Variants in CAST observed in about 807,000 individuals in gnomAD.
The protein encoded by CAST is MIR583 host.
Under a neutral mutation model 119.6 loss-of-function variants are expected in CAST, and 76 were observed. The observed-to-expected ratio is 0.64, with a 90% confidence interval of 0.53 to 0.77. The LOEUF (loss-of-function observed/expected upper bound fraction) is 0.77, where lower values mean the gene tolerates loss of function less well. Ranked by LOEUF, CAST falls within the 30% of genes least tolerant of loss-of-function variation. The probability of loss-of-function intolerance (pLI) is 0.00; values close to 1 mark genes in which losing one functional copy is unlikely to be tolerated. For missense variants in CAST, 953 were observed against 946.5 expected, an observed-to-expected ratio of 1.01 and a Z score of -0.09; for synonymous variants, 319 against 331.6, an observed-to-expected ratio of 0.96 and a Z score of 0.41.
At chr5:96,373,242 A>C in the CAST span, among the ~76,000 whole-genome samples, 4 of 152,214 alleles carry the variant, frequency 2.6e-5, no homozygotes, top group African/African-American at 4.8e-5. Context: ...TTAAGGCCTC[A>C]GGATCATTTC....
the CAST span, among the ~76,000 whole-genome samples, chr5:96,083,260 A>C: frequency 6.6e-6 from 1 of 152,222 alleles, no homozygotes; most frequent in South Asian, 2.1e-4. Flanking sequence ...TTGCCATTTG[A>C]AATACCAAAA....
At chr5:96,305,188 A>G in the CAST span, among the ~76,000 whole-genome samples, 3 of 152,040 alleles carry the variant, frequency 2.0e-5, no homozygotes, top group Non-Finnish European at 4.4e-5. Context: ...TTGGATTCCT[A>G]GGTATTTTAT....
chr5:96,050,354 A>C, the CAST span, among the ~76,000 whole-genome samples: 1 of 152,206 alleles, frequency 6.6e-6, no homozygotes, highest in Middle Eastern at 3.4e-3. Flanking sequence ...AGCTAGAGAC[A>C]GAAAGAATTC....
At chr5:96,723,843 C>A (rs1758750122) in intron 4 of CAST, among the ~76,000 whole-genome samples, 1 of 152,152 alleles carries the variant, frequency 6.6e-6, no homozygotes, top group South Asian at 2.1e-4. Context: ...AATTACCAAC[C>A]TACTTTTGTT....
the CAST span, among the ~76,000 whole-genome samples, chr5:96,068,116 C>T: frequency 3.5e-4 from 54 of 152,206 alleles, no homozygotes; most frequent in African/African-American, 1.2e-3. Flanking sequence ...CTGGCCTACG[C>T]TTCATAACTT....
chr5:96,562,074 G>A (rs1217755670), intron 1 of CAST, among the ~76,000 whole-genome samples: 2 of 151,660 alleles, frequency 1.3e-5, no homozygotes, highest in Non-Finnish European at 2.9e-5. Flanking sequence ...TTACAGGCGT[G>A]AGCCACCGCG....
At chr5:96,307,136 G>A in the CAST span, among the ~76,000 whole-genome samples, 6 of 152,182 alleles carry the variant, frequency 3.9e-5, no homozygotes, top group Admixed American at 2.0e-4. Context: ...GGATGCTTCT[G>A]TATTGGTTGC....
At chr5:96,768,903 G>GT (rs1293701848) in intron 29 of CAST, 1 of 154,030 alleles carries the variant, frequency 6.5e-6, no homozygotes, top group Non-Finnish European at 1.4e-5. Flanking sequence ...CTGTGCTTGT[G>GT]TATCACACCA....
the CAST span, among the ~76,000 whole-genome samples, chr5:96,175,315 C>G: frequency 6.6e-6 from 1 of 151,932 alleles, no homozygotes; most frequent in African/African-American, 2.4e-5. Context: ...GTGAAAGTAC[C>G]CTACTGGCCA....
chr5:96,687,252 C>T (rs546987308), intron 2 of CAST, among the ~76,000 whole-genome samples: 26 of 152,194 alleles, frequency 1.7e-4, no homozygotes, highest in African/African-American at 6.3e-4. Flanking sequence ...AGTAGCCTGT[C>T]AGTATTCTTG....
the CAST span, among the ~76,000 whole-genome samples, chr5:96,468,812 T>C: frequency 3.3e-5 from 5 of 152,102 alleles, no homozygotes; most frequent in Non-Finnish European, 4.4e-5. Flanking sequence ...CTTCCCCTTC[T>C]GTCTGACAAC....
the CAST span, among the ~76,000 whole-genome samples, chr5:96,118,708 T>A: frequency 1.6e-4 from 24 of 151,374 alleles, no homozygotes; most frequent in African/African-American, 5.8e-4. Flanking sequence ...AGCCAATCCA[T>A]CTAAAAGAAC....
chr5:96,564,244 A>C (rs1746431577), intron 1 of CAST, among the ~76,000 whole-genome samples: 1 of 152,234 alleles, frequency 6.6e-6, no homozygotes, highest in Admixed American at 6.5e-5. Context: ...TGTAAGGATC[A>C]CAGAGAACTT....
chr5:96,057,365 G>A, the CAST span, among the ~76,000 whole-genome samples: 3 of 152,178 alleles, frequency 2.0e-5, no homozygotes, highest in Non-Finnish European at 4.4e-5. Flanking sequence ...ACTATTTTGA[G>A]TTGAAATCTG....
the CAST span, among the ~76,000 whole-genome samples, chr5:96,155,270 C>A: frequency 4.6e-4 from 70 of 152,118 alleles, no homozygotes; most frequent in Non-Finnish European, 9.8e-4. Context: ...GACTAGTAGG[C>A]AGGGATAATG....
chr5:96,457,908 T>C, the CAST span, among the ~76,000 whole-genome samples: 1 of 152,230 alleles, frequency 6.6e-6, no homozygotes, highest in African/African-American at 2.4e-5. Context: ...GTTTTAAAAC[T>C]TAACTCATTT....
At chr5:95,961,673 G>C in the CAST span, 10 of 1,607,880 alleles carry the variant, frequency 6.2e-6, no homozygotes, top group Non-Finnish European at 8.5e-6. Context: ...CCGCACGACA[G>C]CCCATAGCGC....
chr5:96,246,528 G>A, the CAST span, among the ~76,000 whole-genome samples: 1 of 152,124 alleles, frequency 6.6e-6, no homozygotes, highest in South Asian at 2.1e-4. Flanking sequence ...AATTGTGAAC[G>A]AGCATTCTAA....
intron 6 of CAST, 150 bp from the exon 7 acceptor site, chr5:96,729,003 G>T: frequency 1.7e-6 from 1 of 594,480 alleles, no homozygotes; most frequent in East Asian, 3.0e-5. Flanking sequence ...GTCTACTTCT[G>T]TGATCCTAAA....
Sources: gnomAD v4.1 joint callset for allele counts (sites outside exome capture counted in the v4.1 genomes callset) on GRCh38, gnomAD v4.1.1 for gene constraint, MANE v1.5 for transcripts, NCBI Gene and HGNC (gene_info 2026-07-23, HGNC 2026-07-21) for gene names.